The following LAMA1 variants were observed in gnomAD, a reference collection of about 807,000 sequenced individuals.
The protein encoded by LAMA1 is laminin subunit alpha-1.
LAMA1 carries 219 observed loss-of-function variants against 348.7 expected under a neutral mutation model. The ratio of observed to expected loss-of-function variants is 0.63; its 90% confidence interval spans 0.56 to 0.70. The LOEUF (loss-of-function observed/expected upper bound fraction) is 0.70, where lower values mean the gene tolerates loss of function less well. Ranked by LOEUF, LAMA1 falls within the 30% of genes least tolerant of loss-of-function variation. LAMA1 has a pLI of 0.00. For missense variants in LAMA1, 3,744 were observed against 3,888.0 expected, an observed-to-expected ratio of 0.96 and a Z score of 0.99; for synonymous variants, 1,487 against 1,491.0, an observed-to-expected ratio of 1.00 and a Z score of 0.06.
chr18:7,009,477 T>C (rs1450097544), intron 26 of LAMA1, 111 bp from the exon 27 acceptor site: 11 of 1,183,260 alleles, frequency 9.3e-6, no homozygotes, highest in Non-Finnish European at 1.3e-5. Context: ...AGCCATGTTC[T>C]GTGCATGCCA....
chr18:7,075,604 CA>C (rs2058164412), intron 3 of LAMA1, among the ~76,000 whole-genome samples: 1 of 149,778 alleles, frequency 6.7e-6, no homozygotes, highest in Non-Finnish European at 1.5e-5. Flanking sequence ...GTCTGGGAAA[CA>C]AGAGCGAAAC....
At chr18:6,952,458 G>A (rs2057551265) in intron 57 of LAMA1, among the ~76,000 whole-genome samples, 2 of 152,118 alleles carry the variant, frequency 1.3e-5, no homozygotes, top group Non-Finnish European at 2.9e-5. Context: ...TGTGTGCGGG[G>A]GAATGTGACG....
At chr18:7,115,904 G>A (rs1284755385) in intron 1 of LAMA1, among the ~76,000 whole-genome samples, 3 of 151,756 alleles carry the variant, frequency 2.0e-5, no homozygotes, top group Non-Finnish European at 4.4e-5. Flanking sequence ...GTTTGAACCC[G>A]GGAGGCGGAG....
chr18:7,067,589 C>A (rs540455546), intron 3 of LAMA1, among the ~76,000 whole-genome samples: 79 of 152,062 alleles, frequency 5.2e-4, no homozygotes, highest in Non-Finnish European at 1.0e-3. Flanking sequence ...ACGTTCTATA[C>A]CAAGGGAATG....
rs561530242 is a variant in LAMA1 at position 7,112,008 on chromosome 18, G to A, written c.61+5652C>T. ...GTCAATACATTAACTTATCCTTAAC[G>A]TGTAATAGAATTGTTCTCAAACTCA... is the stretch of plus-strand genomic sequence containing the variant. On this transcript the variant is annotated intron_variant, in intron 1 of 62. Transcript: ENST00000389658. Among the ~76,000 whole-genome samples the A allele has an allele frequency of 2.6e-5, 4 of 152,120 alleles. No homozygotes were observed. The South Asian group carries it at 6.2e-4, about 24-fold the overall frequency.
chr18:6,998,926 G>A (rs886817166), intron 32 of LAMA1, among the ~76,000 whole-genome samples: 2 of 152,196 alleles, frequency 1.3e-5, no homozygotes, highest in Admixed American at 6.5e-5. Context: ...CCAGCTACTC[G>A]GGAGGCTGAG....
intron 24 of LAMA1, 145 bp from the exon 25 acceptor site, chr18:7,011,624 C>T: frequency 1.3e-5 from 12 of 922,208 alleles, no homozygotes; most frequent in Non-Finnish European, 1.7e-5. Context: ...TTAAACTAAA[C>T]ATCTGGAAGA....
In LAMA1 at chr18:6,962,065, G is replaced by T. The variant is rs746124010; in HGVS notation, c.7338-6C>A. ...TTTTGGTGGTGACACCTCTCCTGTA[G>T]GGAAGGGCATGAGAACAATCACAAA... On this transcript the variant is annotated splice_polypyrimidine_tract_variant and splice_region_variant and intron_variant, in intron 51 of 62. Coordinates refer to ENST00000389658, the MANE Select transcript of LAMA1 (RefSeq NM_005559.4). 1 of 1,599,598 alleles carries T rather than the reference G, an allele frequency of 6.3e-7. No homozygotes were observed. Among genetic ancestry groups the T allele is most frequent in the Non-Finnish European group, 8.6e-7 (1 of 1,166,800 alleles).
intron 60 of LAMA1, among the ~76,000 whole-genome samples, 194 bp downstream of exon 60, chr18:6,948,209 T>C (rs2057530735): frequency 6.6e-6 from 1 of 152,202 alleles, no homozygotes; most frequent in South Asian, 2.1e-4. Context: ...GGAGACTTTG[T>C]CAGGCCATCC....
At chr18:6,965,217 A>G (rs2057627189) in intron 50 of LAMA1, 71 bp downstream of exon 50, 2 of 1,585,046 alleles carry the variant, frequency 1.3e-6, no homozygotes, top group East Asian at 2.2e-5. Context: ...GAAAAAAAGA[A>G]TGCTGATTTT....
chr18:6,983,117 A>C lies in LAMA1; in HGVS notation c.5778T>G (p.Thr1926=), dbSNP rs1697325419. Reference sequence around the variant, plus strand: ...TTCCTACCAGGCTCGTCTCAGTCACAGTCCTGTGAGCATCTCTGGCCAGTT... The same window carrying C: ...TTCCTACCAGGCTCGTCTCAGTCACCGTCCTGTGAGCATCTCTGGCCAGTT... The part of the protein sequence containing the change: ...SEELARDAHR[T]VTETSLLSES... The change falls in exon 40 of 63, where the codon ACT becomes ACG. Residue 1926 remains threonine, a synonymous_variant. Coordinates refer to ENST00000389658, the MANE Select transcript of LAMA1 (RefSeq NM_005559.4). 1 of 1,614,008 alleles carries C rather than the reference A, an allele frequency of 6.2e-7. No homozygotes were observed. The highest frequency in any genetic ancestry group is 1.3e-5 in the African/African-American group (1 of 74,904).
intron 3 of LAMA1, among the ~76,000 whole-genome samples, chr18:7,073,833 T>TG (rs2058155803): frequency 7.5e-6 from 1 of 133,588 alleles, no homozygotes; most frequent in Non-Finnish European, 1.6e-5. Context: ...TGTGTGTGTG[T>TG]GTGTGTGTGT....
intron 56 of LAMA1, 62 bp from the exon 57 acceptor site, chr18:6,955,527 C>T (rs555722981): frequency 9.9e-6 from 12 of 1,212,372 alleles, no homozygotes; most frequent in South Asian, 5.0e-5. Context: ...CTGACACACG[C>T]GTGTTCCGCC....
chr18:7,060,974 G>A (rs1458312644), intron 3 of LAMA1, among the ~76,000 whole-genome samples: 1 of 152,072 alleles, frequency 6.6e-6, no homozygotes, highest in Non-Finnish European at 1.5e-5. Context: ...TGGGCAACAC[G>A]GCAAAACCTC....
At chr18:7,091,854 G>A (rs369067919) in intron 1 of LAMA1, among the ~76,000 whole-genome samples, 1 of 152,114 alleles carries the variant, frequency 6.6e-6, no homozygotes, top group Non-Finnish European at 1.5e-5. Context: ...CAGTACCTCC[G>A]ATCAAATCAT....
intron 47 of LAMA1, among the ~76,000 whole-genome samples, 167 bp downstream of exon 47, chr18:6,972,890 C>G (rs2057664452): frequency 6.6e-6 from 1 of 152,100 alleles, no homozygotes; most frequent in African/African-American, 2.4e-5. Flanking sequence ...AGAGTTTCTC[C>G]ATGTTGGTCA....
intron 21 of LAMA1, 33 bp downstream of exon 21, chr18:7,016,458 T>G (rs370460194): frequency 6.2e-7 from 1 of 1,613,756 alleles, no homozygotes; most frequent in African/African-American, 1.3e-5. Flanking sequence ...TGGGAATGAC[T>G]ACAAAGTCTC....
chr18:7,066,667 C>T (rs1201666343), intron 3 of LAMA1, among the ~76,000 whole-genome samples: 2 of 152,232 alleles, frequency 1.3e-5, no homozygotes, highest in Middle Eastern at 6.8e-3. Context: ...AATGTGACAA[C>T]TCATTATAAA....
intron 1 of LAMA1, among the ~76,000 whole-genome samples, chr18:7,094,461 T>A (rs1276025837): frequency 1.4e-5 from 2 of 147,970 alleles, no homozygotes; most frequent in Admixed American, 1.4e-4. Context: ...TATTAGATGA[T>A]CTCCTGGACC....
Sources: gnomAD v4.1 joint callset for allele counts (sites outside exome capture counted in the v4.1 genomes callset) on GRCh38, gnomAD v4.1.1 for gene constraint, MANE v1.5 for transcripts, NCBI Gene and HGNC (gene_info 2026-07-23, HGNC 2026-07-21) for gene names.